The following DTNB variants were observed in gnomAD, a reference collection of about 807,000 sequenced individuals.
DTNB encodes DTN-B.
A neutral mutation model predicts 90.7 loss-of-function variants in DTNB; 63 were observed. The ratio of observed to expected loss-of-function variants is 0.69; its 90% CI spans 0.57 to 0.86. The LOEUF is 0.86. DTNB is among the 40% of genes least tolerant of loss of function. DTNB has a pLI of 0.00. For synonymous variants in DTNB, 277 were observed against 286.7 expected, an observed-to-expected ratio of 0.97 and a Z score of 0.34; for missense variants, 744 against 807.1, an observed-to-expected ratio of 0.92 and a Z score of 0.95.
At chr2:25,433,636 TGA>T (rs1424816388) in intron 13 of DTNB, among the ~76,000 whole-genome samples, 3 of 151,470 alleles carry the variant, frequency 2.0e-5, no homozygotes, top group Non-Finnish European at 2.9e-5. Context: ...AACGCAATTG[TGA>T]GAGGGGGTCA....
chr2:25,567,313 G>A (rs565821100), intron 8 of DTNB, among the ~76,000 whole-genome samples: 2 of 152,228 alleles, frequency 1.3e-5, no homozygotes, highest in South Asian at 4.1e-4. Context: ...TGAGGAGAGG[G>A]ACACCAGTCA....
chr2:25,455,358 C>A, intron 11 of DTNB, 47 bp downstream of exon 11: 1 of 1,528,288 alleles, frequency 6.5e-7, no homozygotes, highest in Non-Finnish European at 8.8e-7. Flanking sequence ...AGCTCTCCCT[C>A]CCTCTGATCA....
chr2:25,549,530 C>T (rs902931868), intron 8 of DTNB, among the ~76,000 whole-genome samples: 2 of 151,936 alleles, frequency 1.3e-5, no homozygotes, highest in African/African-American at 2.4e-5. Context: ...CCTTTTTGCT[C>T]CACCTACCCA....
At position 25,617,499 on chromosome 2, in the gene DTNB, A is replaced by G. The variant is rs533818987; in HGVS notation, c.363-10178T>C. On this transcript the variant is annotated intron_variant, in intron 4 of 20. Coordinates refer to ENST00000406818, the MANE Select transcript of DTNB (RefSeq NM_021907.5). ...CATTTACCACTTTAGGTTCACAGTT[A>G]GTGCTATCAAAAGGTTTATACACTC... 5.3e-5 allele frequency among the ~76,000 whole-genome samples: 8 copies of G among 152,332 alleles called. No homozygotes were observed. The South Asian group carries it at 6.2e-4, about 12-fold the overall frequency.
chr2:25,413,537 T>C (rs2149744978), intron 16 of DTNB, among the ~76,000 whole-genome samples: 1 of 152,042 alleles, frequency 6.6e-6, no homozygotes, highest in East Asian at 1.9e-4. Context: ...GTTCTTGCGA[T>C]AGTTTGCTGA....
At chr2:25,634,330 A>C in intron 3 of DTNB, among the ~76,000 whole-genome samples, 1 of 100,374 alleles carries the variant, frequency 1.0e-5, no homozygotes, top group Admixed American at 9.9e-5. Flanking sequence ...TCCGGGAGGG[A>C]GGTGGGGGGG....
intron 15 of DTNB, among the ~76,000 whole-genome samples, chr2:25,427,136 C>T (rs2051962596): frequency 1.3e-5 from 2 of 149,548 alleles, no homozygotes; most frequent in Non-Finnish European, 3.0e-5. Context: ...CAACATTGTG[C>T]CACTGCACTC....
At chr2:25,459,889 C>T (rs2060663065) in intron 10 of DTNB, among the ~76,000 whole-genome samples, 1 of 152,112 alleles carries the variant, frequency 6.6e-6, no homozygotes, top group Non-Finnish European at 1.5e-5. Context: ...GGGAGGATCA[C>T]TTGAGCCCAG....
intron 10 of DTNB, among the ~76,000 whole-genome samples, chr2:25,479,465 C>G (rs960721208): frequency 6.6e-6 from 1 of 152,062 alleles, no homozygotes; most frequent in Non-Finnish European, 1.5e-5. Flanking sequence ...TATGTGGACG[C>G]TTTTAAAAGA....
intron 4 of DTNB, among the ~76,000 whole-genome samples, chr2:25,610,181 G>A (rs991612810): frequency 3.9e-5 from 6 of 152,160 alleles, no homozygotes; most frequent in African/African-American, 1.4e-4. Context: ...CGTGATCACA[G>A]CACACTGCAG....
At chr2:25,416,411 C>T (rs1236383774) in intron 16 of DTNB, among the ~76,000 whole-genome samples, 2 of 152,212 alleles carry the variant, frequency 1.3e-5, no homozygotes, top group African/African-American at 4.8e-5. Flanking sequence ...ATGGCTCACG[C>T]CTGTAATCCC....
chr2:25,454,149 C>CAAAAA (rs55676356), intron 11 of DTNB, among the ~76,000 whole-genome samples: 1 of 99,368 alleles, frequency 1.0e-5, no homozygotes, highest in East Asian at 2.9e-4. Context: ...GACTCTGTCT[C>CAAAAA]AAAAAAAAAA....
intron 1 of DTNB, among the ~76,000 whole-genome samples, chr2:25,669,871 C>G (rs1389293702): frequency 1.3e-5 from 2 of 151,476 alleles, no homozygotes; most frequent in Non-Finnish European, 2.9e-5. Context: ...TGCCACTGCA[C>G]TCCAGTCTGG....
In DTNB at chr2:25,549,272, C is replaced by A. The variant is rs1394857353; in HGVS notation, c.877-17675G>T. On this transcript the variant is annotated intron_variant, in intron 8 of 20. Coordinates refer to ENST00000406818, the MANE Select transcript of DTNB (RefSeq NM_021907.5). ...ATCAATATATACATTTAAATTTAAT[C>A]ATAGGACTTATTTTGTATCTTCTAT... Among the ~76,000 whole-genome samples, 3 of 151,676 alleles carry A rather than the reference C, an allele frequency of 2.0e-5. No individual in the cohort carries two copies. In the East Asian group the frequency reaches 5.8e-4, roughly 29 times the overall value.
intron 14 of DTNB, among the ~76,000 whole-genome samples, chr2:25,431,818 C>A (rs931488507): frequency 3.3e-5 from 5 of 152,192 alleles, no homozygotes; most frequent in African/African-American, 7.2e-5. Context: ...TAGTACGACA[C>A]CAGCTGTACT....
chr2:25,584,267 T>C (rs2062013723), intron 6 of DTNB, among the ~76,000 whole-genome samples: 1 of 152,236 alleles, frequency 6.6e-6, no homozygotes, highest in Non-Finnish European at 1.5e-5. Flanking sequence ...CTAAAAAGGC[T>C]ACTAAAAGAC....
rs912465166 is a variant in DTNB at position 25,424,087 on chromosome 2, C to G, written c.1554+3448G>C. The stretch of plus-strand genomic sequence containing the variant: ...TGACCTTTCAGGTATGCATATAATA[C>G]AAAAATTAAGATTACGTGGTAATTC... On this transcript the variant is annotated intron_variant, in intron 15 of 20. Transcript: ENST00000406818. This position sits in a 1 kb window ranked among gnomAD's most constrained non-coding sequence, Gnocchi z 4.1. Among the ~76,000 whole-genome samples the G allele has an allele frequency of 1.3e-5, 2 of 152,106 alleles. No homozygotes were observed. Among genetic ancestry groups the G allele is most frequent in the African/African-American group, 2.4e-5 (1 of 41,416 alleles).
At chr2:25,475,904 C>T (rs990751531) in intron 10 of DTNB, among the ~76,000 whole-genome samples, 2 of 152,076 alleles carry the variant, frequency 1.3e-5, no homozygotes, top group African/African-American at 4.8e-5. Flanking sequence ...ACTGTTGAGA[C>T]CTACTGTTCA....
At chr2:25,636,581 C>CACACATAT (rs543002899) in intron 3 of DTNB, among the ~76,000 whole-genome samples, 1 of 152,060 alleles carries the variant, frequency 6.6e-6, no homozygotes, top group African/African-American at 2.4e-5. Context: ...TCATCACATA[C>CACACATAT]ACACATATAC....
Sources: allele counts gnomAD v4.1 joint callset (sites outside exome capture counted in the v4.1 genomes callset), GRCh38; gene constraint gnomAD v4.1.1; non-coding constraint Gnocchi (gnomAD v3.1); transcripts MANE v1.5; gene names NCBI Gene and HGNC (gene_info 2026-07-23, HGNC 2026-07-21).